The following PIP5K1B variants were observed in gnomAD, a reference collection of about 807,000 sequenced individuals.
The protein encoded by PIP5K1B is phosphatidylinositol 4-phosphate 5-kinase type-1 beta.
Under a neutral mutation model 67.0 loss-of-function variants are expected in PIP5K1B, and 42 were observed. That is an observed-to-expected ratio of 0.63 (90% CI 0.49 to 0.81). The LOEUF (loss-of-function observed/expected upper bound fraction) is 0.81, where lower values mean the gene tolerates loss of function less well. Among genes scored for constraint, PIP5K1B ranks in the 30% least tolerant of loss-of-function variants. PIP5K1B has a pLI of 0.00. For missense variants in PIP5K1B, 459 were observed against 646.3 expected (o/e 0.71, Z 3.14); for synonymous variants, 214 against 231.4 (o/e 0.92, Z 0.68).
intron 4 of PIP5K1B, among the ~76,000 whole-genome samples, chr9:68,862,182 T>C (rs1365884951): frequency 6.6e-6 from 1 of 152,110 alleles, no homozygotes; most frequent in African/African-American, 2.4e-5. Flanking sequence ...GTAGTCTGTT[T>C]GGAGGTCAAG....
At chr9:68,854,842 C>G (rs567088095) in intron 4 of PIP5K1B, among the ~76,000 whole-genome samples, 2 of 152,166 alleles carry the variant, frequency 1.3e-5, no homozygotes, top group African/African-American at 4.8e-5. Context: ...TCCTTCCTGT[C>G]TTATTTTCCT....
At chr9:68,876,848 G>T (rs1248574479) in intron 6 of PIP5K1B, 54 bp downstream of exon 6, 3 of 901,354 alleles carry the variant, frequency 3.3e-6, no homozygotes, top group Admixed American at 3.5e-5. Context: ...GTAAACATTT[G>T]TCTCATAGCA....
intron 8 of PIP5K1B, among the ~76,000 whole-genome samples, chr9:68,898,278 T>C (rs1825190674): frequency 6.6e-6 from 1 of 152,200 alleles, no homozygotes. Context: ...TGTCAGGTTC[T>C]GCACCCCATC....
chr9:68,975,175 C>A (rs1245168799), intron 14 of PIP5K1B, among the ~76,000 whole-genome samples: 1 of 152,164 alleles, frequency 6.6e-6, no homozygotes, highest in Non-Finnish European at 1.5e-5. Context: ...CTCAAGCAGC[C>A]CTCCCACCCC....
intron 15 of PIP5K1B, among the ~76,000 whole-genome samples, chr9:68,994,713 T>C (rs1325945213): frequency 6.6e-6 from 1 of 152,206 alleles, no homozygotes; most frequent in Admixed American, 6.5e-5. Flanking sequence ...CTTAGTCTCT[T>C]CACCTGTTGC....
At position 68,861,902 on chromosome 9, in the gene PIP5K1B, G is replaced by GTT. The variant is rs78242259; in HGVS notation, c.70-1924_70-1923dup. Among the ~76,000 whole-genome samples the GTT allele has an allele frequency of 1.4e-3, 201 of 145,732 alleles. 2 individuals carry two copies. Among genetic ancestry groups the GTT allele is most frequent in the African/African-American group, 4.1e-3 (164 of 39,722 alleles). ...GGGTTTTTTTGTTTGTTTGTTTTTTGTTTTTTTTTTTTAAGAAACACTGAA... is the reference window on the plus strand; with the variant it reads ...GGGTTTTTTTGTTTGTTTGTTTTTTGTTTTTTTTTTTTTTAAGAAACACTGAA... On this transcript the variant is annotated intron_variant, in intron 4 of 15. Coordinates refer to ENST00000265382, the MANE Select transcript of PIP5K1B (RefSeq NM_003558.4).
chr9:68,925,174 A>G (rs1489920860), intron 12 of PIP5K1B, among the ~76,000 whole-genome samples: 2 of 151,848 alleles, frequency 1.3e-5, no homozygotes, highest in Admixed American at 6.6e-5. Context: ...AGTATTGGGC[A>G]TTTACATTGT....
intron 2 of PIP5K1B, among the ~76,000 whole-genome samples, chr9:68,795,481 A>G (rs974766037): frequency 6.6e-6 from 1 of 152,234 alleles, no homozygotes; most frequent in Non-Finnish European, 1.5e-5. Flanking sequence ...AATTTCCTGA[A>G]GGAAAGGGAC....
intron 8 of PIP5K1B, among the ~76,000 whole-genome samples, chr9:68,904,589 C>T (rs745509495): frequency 3.2e-4 from 48 of 152,146 alleles, no homozygotes; most frequent in Non-Finnish European, 4.0e-4. Flanking sequence ...AAGTTAAAAG[C>T]GAGGCTTCCT....
intron 5 of PIP5K1B, 122 bp downstream of exon 5, chr9:68,864,089 T>G: frequency 1.2e-6 from 1 of 857,500 alleles, no homozygotes; most frequent in Non-Finnish European, 1.8e-6. Context: ...ATTGGGCCTT[T>G]GGCAGGGCCA....
chr9:68,730,342 C>G (rs1354494522), intron 1 of PIP5K1B, among the ~76,000 whole-genome samples: 1 of 152,150 alleles, frequency 6.6e-6, no homozygotes, highest in African/African-American at 2.4e-5. Context: ...CTGATACGAA[C>G]AGCCAGGAAA....
At chr9:68,953,527 G>T (rs1828203663) in intron 14 of PIP5K1B, among the ~76,000 whole-genome samples, 1 of 151,976 alleles carries the variant, frequency 6.6e-6, no homozygotes. Context: ...CTAGAAAACT[G>T]ATTAGAGGCC....
At chr9:68,721,304 A>T (rs1277342152) in intron 1 of PIP5K1B, among the ~76,000 whole-genome samples, 1 of 152,188 alleles carries the variant, frequency 6.6e-6, no homozygotes, top group Non-Finnish European at 1.5e-5. Context: ...ATCACAGAAG[A>T]GATGAAAAGG....
intron 14 of PIP5K1B, among the ~76,000 whole-genome samples, chr9:68,952,873 A>G (rs1414160602): frequency 7.4e-6 from 1 of 135,016 alleles, no homozygotes; most frequent in Non-Finnish European, 1.6e-5. Flanking sequence ...CTTTCTTCCT[A>G]TTATTATTAT....
At chr9:68,876,621 A>G (rs1823913490) in intron 5 of PIP5K1B, 56 bp from the exon 6 acceptor site, 1 of 975,632 alleles carries the variant, frequency 1.0e-6, no homozygotes. Context: ...TGCGGTCAAA[A>G]TTGTCCTTGC....
intron 2 of PIP5K1B, chr9:68,783,950 G>A (rs1831456935): frequency 6.0e-6 from 1 of 167,136 alleles, no homozygotes; most frequent in African/African-American, 2.4e-5. Flanking sequence ...GAGGCCCTGA[G>A]GAATTTGGTC....
At chr9:68,731,586 T>C (rs747146593) in intron 1 of PIP5K1B, among the ~76,000 whole-genome samples, 4 of 152,172 alleles carry the variant, frequency 2.6e-5, no homozygotes, top group Non-Finnish European at 4.4e-5. Context: ...AAATGTGTGA[T>C]CCTTGCTGTC....
intron 1 of PIP5K1B, among the ~76,000 whole-genome samples, chr9:68,708,545 C>CCCT (rs1827236566): frequency 6.8e-6 from 1 of 147,130 alleles, no homozygotes; most frequent in Admixed American, 7.0e-5. Context: ...TTTGCCGCCC[C>CCCT]CCCGCCCCTT....
intron 4 of PIP5K1B, among the ~76,000 whole-genome samples, chr9:68,829,332 G>C (rs1402204560): frequency 6.6e-6 from 1 of 152,170 alleles, no homozygotes; most frequent in African/African-American, 2.4e-5. Context: ...ATGAATAGCA[G>C]CTATGCTGGT....
Sources: gnomAD v4.1 joint callset for allele counts (sites outside exome capture counted in the v4.1 genomes callset) on GRCh38, gnomAD v4.1.1 for gene constraint, MANE v1.5 for transcripts, NCBI Gene and HGNC (gene_info 2026-07-23, HGNC 2026-07-21) for gene names.